The following ZNF347 variants were observed in gnomAD, a reference collection of about 807,000 sequenced individuals.
The protein encoded by ZNF347 is zinc finger protein 347, also known as CTD-2620I22.7.
ZNF347 carries 19 observed loss-of-function variants against 12.9 expected under a neutral mutation model. The ratio of observed to expected loss-of-function variants is 1.47; its 90% CI spans 1.03 to 2.16. ZNF347 has a LOEUF of 2.16. ZNF347 is among the 30% of genes most tolerant of loss of function. The pLI is 0.00. For missense variants in ZNF347, 1,005 were observed against 990.6 expected (o/e 1.01, Z -0.19); for synonymous variants, 328 against 340.6 (o/e 0.96, Z 0.41).
rs1037434469 is a variant in ZNF347 at position 53,141,289 on chromosome 19, G to T, written c.1539C>A (p.Tyr513Ter). The T allele has an allele frequency of 6.2e-7, 1 of 1,613,568 alleles. No individual in the cohort carries two copies. The highest frequency in any genetic ancestry group is 8.5e-7 in the Non-Finnish European group (1 of 1,179,906). Residue 513 changes from tyrosine to a stop codon, truncating the protein, a stop_gained, in exon 5 of 5, where the codon TAC (tyrosine) becomes TAA (stop). Transcript: ENST00000334197. LOFTEE classifies it low-confidence loss of function (END_TRUNC). ...AGACCTTGCCACATTCATTACATTT[G>T]TAAGGCTTTTCTCCAGTATGGATGA... The part of the protein sequence containing the change: ...HQVIHTGEKP[Y>*]KCNECGKVFT...
chr19:53,139,123 C>A lies in ZNF347; in HGVS notation c.*1185G>T, dbSNP rs908556625. On this transcript the variant is annotated 3_prime_UTR_variant, in exon 5 of 5. Coordinates refer to ENST00000334197, the MANE Select transcript of ZNF347 (RefSeq NM_032584.3). The stretch of plus-strand genomic sequence containing the variant: ...TCAGTCACTAATAACTTATTACTCT[C>A]CTCTCATAAAAATTCCAGTGTCCTG... The A allele has an allele frequency of 6.6e-6, 1 of 152,164 alleles. No individual in the cohort carries two copies. The highest frequency in any genetic ancestry group is 2.4e-5 in the African/African-American group (1 of 41,436). 9.4% of individuals were successfully genotyped at this position (152,164 alleles called of 1,614,324 possible). A position where few individuals can be genotyped will look rare whatever the true frequency, so the allele number is the denominator to read the frequency against.
chr19:53,157,074 A>G (rs567062127), intron 1 of ZNF347, among the ~76,000 whole-genome samples: 4 of 152,166 alleles, frequency 2.6e-5, no homozygotes, highest in Non-Finnish European at 5.9e-5. Context: ...CTATTCCAGG[A>G]AAAGGGAAGT....
chr19:53,143,415 C>A (rs1381590207), intron 4 of ZNF347, among the ~76,000 whole-genome samples: 7 of 124,272 alleles, frequency 5.6e-5, no homozygotes, highest in Non-Finnish European at 6.4e-5. Flanking sequence ...GTGTGATGTT[C>A]CCCTTCCTGT....
Position 53,141,512 on chromosome 19 carries a change from C to A in ZNF347, c.1316G>T (p.Gly439Val). 6.2e-7 allele frequency: 1 copy of A among 1,614,044 alleles called. No individual in the cohort carries two copies. The highest frequency in any genetic ancestry group is 8.5e-7 in the Non-Finnish European group (1 of 1,180,004). ...YKCNECGKAF[G>V]VRSSLAIHLV... ...ATGAATAGCTAGGCTTGAACGAACA[C>A]CAAAGGCTTTGCCGCACTCATTACA... Residue 439 changes from glycine (G) to valine (V), a missense_variant, in exon 5 of 5, where the codon GGT becomes GTT. Physicochemically the swap from Gly to Val is moderately radical, Grantham distance 109. Transcript: ENST00000334197.
chr19:53,151,861 G>A (rs554758051), intron 2 of ZNF347, among the ~76,000 whole-genome samples: 19 of 152,122 alleles, frequency 1.2e-4, no homozygotes, highest in African/African-American at 2.6e-4. Flanking sequence ...TCGGGAGGCC[G>A]AGGAGGGCGG....
chr19:53,149,063 C>T, intron 3 of ZNF347, 178 bp downstream of exon 3: 1 of 1,306,260 alleles, frequency 7.7e-7, no homozygotes, highest in South Asian at 1.5e-5. Context: ...TGAAACCCTC[C>T]AGTGACATCA....
chr19:53,141,008 C>T lies in ZNF347; in HGVS notation c.1820G>A (p.Arg607Lys). The T allele has an allele frequency of 6.2e-7, 1 of 1,613,476 alleles. No individual in the cohort carries two copies. Among genetic ancestry groups the T allele is most frequent in the Non-Finnish European group, 8.5e-7 (1 of 1,179,938 alleles). The change falls in exon 5 of 5, where the codon AGG becomes AAG. Residue 607 changes from arginine to lysine, a missense_variant. Arg to Lys is a conservative substitution (Grantham distance 26). Coordinates refer to ENST00000334197, the MANE Select transcript of ZNF347 (RefSeq NM_032584.3). ...ATGCCTTGAAAGGTATGAATTATGCCTAAAGACCTTGCCACATTCATTACA... is the reference window on the plus strand; with the variant it reads ...ATGCCTTGAAAGGTATGAATTATGCTTAAAGACCTTGCCACATTCATTACA... ...YKCNECGKVF[R>K]HNSYLSRHQR...
chr19:53,148,651 G>T, intron 4 of ZNF347, 30 bp downstream of exon 4: 1 of 1,592,014 alleles, frequency 6.3e-7, no homozygotes, highest in South Asian at 1.1e-5. Context: ...TTTAATAAAC[G>T]GCATTTTCTC....
rs1449215622 is a variant in ZNF347, at chr19:53,135,296, CTAAATATATATATA to C, written c.*4998_*5011del. The C allele has an allele frequency of 4.6e-4, 26 of 56,734 alleles. No homozygotes were observed. In the South Asian group the frequency reaches 0.02, roughly 43 times the overall value. 3.5% of individuals were successfully genotyped at this position (56,734 alleles called of 1,614,324 possible). On this transcript the variant is annotated 3_prime_UTR_variant, in exon 5 of 5. Coordinates refer to ENST00000334197, the MANE Select transcript of ZNF347 (RefSeq NM_032584.3). ...GTCTCTTCATAGTTCTACCCATTTTCTAAATATATATATATATATATATATATATATATATATAT... is the reference window on the plus strand; with the variant it reads ...GTCTCTTCATAGTTCTACCCATTTTCTATATATATATATATATATATATAT...
intron 1 of ZNF347, among the ~76,000 whole-genome samples, chr19:53,156,057 G>GGGGGC (rs2090533555): frequency 2.3e-5 from 3 of 132,768 alleles, no homozygotes; most frequent in African/African-American, 8.6e-5. Context: ...GGGGGGGGGG[G>GGGGGC]GGGTTAGGCG....
At chr19:53,146,925 T>C (rs1568640121) in intron 4 of ZNF347, among the ~76,000 whole-genome samples, 3 of 152,136 alleles carry the variant, frequency 2.0e-5, no homozygotes, top group African/African-American at 7.2e-5. Context: ...TGCTGAATTA[T>C]ACCAAACACT....
intron 4 of ZNF347, among the ~76,000 whole-genome samples, chr19:53,145,136 C>T (rs2090454487): frequency 6.6e-6 from 1 of 151,686 alleles, no homozygotes; most frequent in East Asian, 2.0e-4. Context: ...ACTAAAAACA[C>T]AAAAATTAGC....
Position 53,141,371 on chromosome 19 carries a change from T to A in ZNF347, c.1457A>T (p.Lys486Met), listed in dbSNP as rs1357434987. The stretch of plus-strand genomic sequence containing the variant: ...AAAGGCTTTGCCACACTCATTACAC[T>A]TATAAGGTTTCTCTCCAGTATGAAT... Reference protein sequence around the residue: ...QLIHTGEKPYKCNECGKAFRA... With the variant: ...QLIHTGEKPYMCNECGKAFRA... The change falls in exon 5 of 5, where the codon AAG (lysine) becomes ATG (methionine). Residue 486 changes from lysine to methionine, a missense_variant. Coordinates refer to ENST00000334197, the MANE Select transcript of ZNF347 (RefSeq NM_032584.3). 1 of 1,614,002 alleles carries A rather than the reference T, an allele frequency of 6.2e-7. No homozygotes were observed. The highest frequency in any genetic ancestry group is 2.2e-5 in the East Asian group (1 of 44,858).
intron 4 of ZNF347, among the ~76,000 whole-genome samples, chr19:53,145,108 T>C (rs1261285608): frequency 6.6e-6 from 1 of 151,830 alleles, no homozygotes; most frequent in Non-Finnish European, 1.5e-5. Context: ...CTGGCCAACA[T>C]GGTGAAACCC....
chr19:53,143,698 G>T (rs551463043), intron 4 of ZNF347, among the ~76,000 whole-genome samples: 2 of 152,190 alleles, frequency 1.3e-5, no homozygotes, highest in Admixed American at 1.3e-4. Flanking sequence ...ACGTGTGCAT[G>T]TGTCTTTATA....
chr19:53,154,208 C>T (rs1242985741), intron 1 of ZNF347, among the ~76,000 whole-genome samples: 2 of 152,006 alleles, frequency 1.3e-5, no homozygotes, highest in East Asian at 3.9e-4. Flanking sequence ...AGAGGCTGAA[C>T]GTGGTGGCTC....
intron 2 of ZNF347, among the ~76,000 whole-genome samples, chr19:53,152,049 C>T (rs112968225): frequency 0.58 from 79,630 of 138,380 alleles, 26,688 homozygotes; most frequent in South Asian, 0.75. Context: ...GCCGAGATTG[C>T]ACCACTGCAC....
chr19:53,151,581 T>C (rs1042699081), intron 2 of ZNF347, among the ~76,000 whole-genome samples: 1 of 134,504 alleles, frequency 7.4e-6, no homozygotes, highest in African/African-American at 2.8e-5. Context: ...TAAAAGAACA[T>C]GAAAAGGATC....
At position 53,140,648 on chromosome 19, in the gene ZNF347, T is replaced by C. The variant is rs1457027259; in HGVS notation, c.2180A>G (p.His727Arg). 4 of 1,613,522 alleles carry C rather than the reference T, an allele frequency of 2.5e-6. No individual in the cohort carries two copies. Among genetic ancestry groups the C allele is most frequent in the Admixed American group, 3.3e-5 (2 of 59,936 alleles). ...AFSVRSSLTT[H>R]QAIHTGKKPY... ...TTTTTTTCCAGTATGGATTGCCTGA[T>C]GGGTAGTTAGGCTTGAACGGACACT... The change falls in exon 5 of 5, where the codon CAT (histidine) becomes CGT (arginine). Residue 727 changes from histidine to arginine, a missense_variant. Transcript: ENST00000334197.
Sources: allele counts gnomAD v4.1 joint callset (sites outside exome capture counted in the v4.1 genomes callset), GRCh38; gene constraint gnomAD v4.1.1; transcripts MANE v1.5; gene names NCBI Gene and HGNC (gene_info 2026-07-23, HGNC 2026-07-21).